CHIA: variants seen among roughly 807,000 people sequenced by gnomAD.
The protein encoded by CHIA is chitinase acidic.
Under a neutral mutation model 53.5 loss-of-function variants are expected in CHIA, and 47 were observed. That is an observed-to-expected ratio of 0.88 (90% CI 0.70 to 1.12). The LOEUF is 1.12. Among genes scored for constraint, CHIA ranks in the 50% most tolerant of loss-of-function variants. The probability of loss-of-function intolerance (pLI) is 0.00; values close to 1 mark genes in which losing one functional copy is unlikely to be tolerated. For synonymous variants in CHIA, 268 were observed against 222.2 expected (o/e 1.21, Z -1.83); for missense variants, 652 against 592.2 (o/e 1.10, Z -1.05).
chr1:111,309,389 C>T (rs891291454), intron 1 of CHIA, among the ~76,000 whole-genome samples: 2 of 152,198 alleles, frequency 1.3e-5, no homozygotes, highest in African/African-American at 4.8e-5. Flanking sequence ...CAACTGCATT[C>T]CTGGTATTGT....
At chr1:111,310,600 A>G in intron 2 of CHIA, 108 bp downstream of exon 2, 2 of 1,550,182 alleles carry the variant, frequency 1.3e-6, no homozygotes, top group African/African-American at 1.4e-5. Context: ...ATACTTTTCC[A>G]TTCTTCTTTC....
chr1:111,312,814 C>T (rs1299472920), intron 4 of CHIA, among the ~76,000 whole-genome samples: 6 of 151,520 alleles, frequency 4.0e-5, no homozygotes, highest in Non-Finnish European at 8.8e-5. Flanking sequence ...CCCCACACCA[C>T]CCCCAGCCTC....
chr1:111,305,504 G>T (rs939420657), intron 1 of CHIA, among the ~76,000 whole-genome samples: 4 of 152,196 alleles, frequency 2.6e-5, no homozygotes, highest in African/African-American at 9.7e-5. Context: ...GCTGCTCCTG[G>T]AACACATGCA....
intron 1 of CHIA, among the ~76,000 whole-genome samples, chr1:111,304,259 G>A (rs889641842): frequency 3.9e-5 from 6 of 152,112 alleles, no homozygotes; most frequent in Admixed American, 3.9e-4. Context: ...GTTCTTGGAT[G>A]TCTATATACA....
chr1:111,315,512 G>A, intron 6 of CHIA, 77 bp downstream of exon 6: 2 of 1,460,576 alleles, frequency 1.4e-6, no homozygotes, highest in Admixed American at 4.8e-5. Context: ...GTGGCTCTAG[G>A]GTAAAACAAA....
At chr1:111,296,943 G>A (rs542179912) in intron 1 of CHIA, among the ~76,000 whole-genome samples, 2 of 152,300 alleles carry the variant, frequency 1.3e-5, no homozygotes, top group African/African-American at 4.8e-5. Flanking sequence ...AGCTTCAGTA[G>A]CTGATTTGAT....
intron 1 of CHIA, among the ~76,000 whole-genome samples, chr1:111,306,795 G>A (rs1249749639): frequency 1.3e-5 from 2 of 152,106 alleles, no homozygotes; most frequent in Non-Finnish European, 2.9e-5. Flanking sequence ...AAAGATACAA[G>A]CAGGCATTTC....
intron 2 of CHIA, 78 bp from the exon 3 acceptor site, chr1:111,311,611 G>A: frequency 1.3e-6 from 2 of 1,523,206 alleles, no homozygotes; most frequent in Non-Finnish European, 1.8e-6. Flanking sequence ...CAAATTGGAA[G>A]GCAATCAATC....
chr1:111,291,216 G>T (rs1660993888), intron 1 of CHIA, among the ~76,000 whole-genome samples: 1 of 152,044 alleles, frequency 6.6e-6, no homozygotes, highest in Non-Finnish European at 1.5e-5. Flanking sequence ...GCACACGTAT[G>T]GTTATTGCAG....
chr1:111,306,585 A>C (rs923268785), intron 1 of CHIA, among the ~76,000 whole-genome samples: 2 of 152,216 alleles, frequency 1.3e-5, no homozygotes, highest in Non-Finnish European at 2.9e-5. Flanking sequence ...TATAAAGAAC[A>C]AGTGGTGTGC....
chr1:111,300,122 G>A (rs1471690908), intron 1 of CHIA, among the ~76,000 whole-genome samples: 1 of 152,064 alleles, frequency 6.6e-6, no homozygotes, highest in African/African-American at 2.4e-5. Context: ...CTCATGGATA[G>A]GAAGAATTAA....
chr1:111,297,671 C>T (rs914578764), intron 1 of CHIA, among the ~76,000 whole-genome samples: 3 of 151,980 alleles, frequency 2.0e-5, no homozygotes, highest in Admixed American at 6.6e-5. Context: ...CATCAATTAA[C>T]GGACAAAATA....
chr1:111,306,904 AAATTTTAGTCTGATGATTAAGTTTTGGC>A (rs1248416566), intron 1 of CHIA, among the ~76,000 whole-genome samples: 1 of 152,222 alleles, frequency 6.6e-6, no homozygotes, highest in Non-Finnish European at 1.5e-5. Context: ...TTAATGACAC[AAATTTTAGTCTGATGATTAAGTTTTGGC>A]AATTTTAGTC....
chr1:111,313,394 T>C (rs773794950), intron 4 of CHIA, among the ~76,000 whole-genome samples: 1 of 152,244 alleles, frequency 6.6e-6, no homozygotes, highest in Non-Finnish European at 1.5e-5. Context: ...ATTTCTCTGA[T>C]GATTAGTGAT....
intron 1 of CHIA, among the ~76,000 whole-genome samples, chr1:111,301,372 C>T (rs1233904886): frequency 6.6e-6 from 1 of 152,012 alleles, no homozygotes; most frequent in African/African-American, 2.4e-5. Context: ...AAATATGGCA[C>T]ATATACACCA....
chr1:111,318,146 T>A, intron 8 of CHIA, 37 bp downstream of exon 8: 1 of 1,519,296 alleles, frequency 6.6e-7, no homozygotes, highest in South Asian at 1.2e-5. Flanking sequence ...AGACCAGAGA[T>A]GATGATGAAA....
chr1:111,315,872 A>G (rs1333545418), intron 6 of CHIA: 1 of 455,366 alleles, frequency 2.2e-6, no homozygotes, highest in East Asian at 6.9e-5. Context: ...GTTATTACTG[A>G]GTACATATTC....
intron 1 of CHIA, among the ~76,000 whole-genome samples, chr1:111,300,570 C>T (rs1421728024): frequency 6.6e-6 from 1 of 152,124 alleles, no homozygotes; most frequent in African/African-American, 2.4e-5. Flanking sequence ...ACACCTTACA[C>T]AAAAATTTAT....
chr1:111,316,278 C>T (rs1649153132), intron 6 of CHIA: 1 of 157,928 alleles, frequency 6.3e-6, no homozygotes, highest in Non-Finnish European at 1.4e-5. Context: ...ACCTTTGACA[C>T]AATGGGACTG....
Sources: gnomAD v4.1 joint callset for allele counts (sites outside exome capture counted in the v4.1 genomes callset) on GRCh38, gnomAD v4.1.1 for gene constraint, MANE v1.5 for transcripts, NCBI Gene and HGNC (gene_info 2026-07-23, HGNC 2026-07-21) for gene names.